SLC35F1: variants seen among roughly 807,000 people sequenced by gnomAD.
The protein encoded by SLC35F1 is chromosome 6 open reading frame 169.
In SLC35F1, 14 loss-of-function variants were observed where a neutral mutation model predicts 48.7. The ratio of observed to expected loss-of-function variants is 0.29; its 90% CI spans 0.19 to 0.45. The LOEUF is 0.45. Among genes scored for constraint, SLC35F1 ranks in the 20% least tolerant of loss-of-function variants. SLC35F1 has a pLI of 1.00. For missense variants in SLC35F1, 404 were observed against 500.0 expected (o/e 0.81, Z 1.83); for synonymous variants, 190 against 202.2 (o/e 0.94, Z 0.51).
chr6:118,247,758 G>T (rs974734775), intron 3 of SLC35F1, among the ~76,000 whole-genome samples: 1 of 147,950 alleles, frequency 6.8e-6, no homozygotes, highest in Non-Finnish European at 1.5e-5. Context: ...GGCATATTTG[G>T]TGGATAAGGT....
chr6:118,059,957 G>A (rs7738379), intron 1 of SLC35F1, among the ~76,000 whole-genome samples: 38,625 of 151,932 alleles, frequency 0.25, 5,097 homozygotes, highest in East Asian at 0.36. Context: ...TTAGGGCTTT[G>A]TATTAGAAAT....
chr6:118,112,309 T>C (rs1773419192), intron 1 of SLC35F1, among the ~76,000 whole-genome samples: 1 of 152,032 alleles, frequency 6.6e-6, no homozygotes, highest in Non-Finnish European at 1.5e-5. Flanking sequence ...GGTAATAATA[T>C]TGATTCTTGC....
chr6:118,077,267 G>A (rs747072280), intron 1 of SLC35F1, among the ~76,000 whole-genome samples: 1 of 152,216 alleles, frequency 6.6e-6, no homozygotes, highest in South Asian at 2.1e-4. Flanking sequence ...CAAAGAGATT[G>A]CACATGGGCA....
chr6:117,907,746 C>T lies in SLC35F1; in HGVS notation c.20C>T (p.Pro7Leu), dbSNP rs769979433. The change falls in exon 1 of 8, where the codon CCG (proline) becomes CTG (leucine). Residue 7 changes from proline (P) to leucine (L), a missense_variant. Physicochemically the swap from Pro to Leu is moderately conservative, Grantham distance 98 (BLOSUM62 -3). Coordinates refer to ENST00000360388, the MANE Select transcript of SLC35F1 (RefSeq NM_001029858.4). MIPPEQ[P>L]QQQLQPPSPA... ...GCCGCGATGATCCCCCCTGAGCAGCCGCAGCAGCAGCTGCAGCCGCCGTCG... is the reference window on the plus strand; with the variant it reads ...GCCGCGATGATCCCCCCTGAGCAGCTGCAGCAGCAGCTGCAGCCGCCGTCG... 2.6e-6 allele frequency: 4 copies of T among 1,540,660 alleles called. No homozygotes were observed. Among genetic ancestry groups the T allele is most frequent in the Admixed American group, 1.8e-5 (1 of 54,946 alleles).
intron 3 of SLC35F1, among the ~76,000 whole-genome samples, chr6:118,245,547 C>T (rs181040549): frequency 5.3e-4 from 81 of 152,270 alleles, no homozygotes; most frequent in African/African-American, 1.9e-3. Flanking sequence ...TTGTCTCTCT[C>T]TTCTTGTGGA....
At chr6:117,974,477 C>CACA (rs969655870) in intron 1 of SLC35F1, among the ~76,000 whole-genome samples, 23 of 152,262 alleles carry the variant, frequency 1.5e-4, no homozygotes, top group Non-Finnish European at 2.2e-4. Context: ...AACTCTGGAG[C>CACA]ACAGCAGGAG....
chr6:118,102,941 G>C (rs921676297), intron 1 of SLC35F1, among the ~76,000 whole-genome samples: 2 of 152,162 alleles, frequency 1.3e-5, no homozygotes, highest in Admixed American at 6.5e-5. Context: ...CCCGTGTTTT[G>C]TGCTTAATAG....
chr6:118,310,089 T>C (rs545831813), intron 7 of SLC35F1, among the ~76,000 whole-genome samples: 23 of 152,324 alleles, frequency 1.5e-4, no homozygotes, highest in African/African-American at 5.3e-4. Context: ...AGCTTCCAGT[T>C]AGATAAAATG....
chr6:117,922,530 G>A (rs1198645101), intron 1 of SLC35F1, among the ~76,000 whole-genome samples: 2 of 152,186 alleles, frequency 1.3e-5, no homozygotes, highest in Non-Finnish European at 2.9e-5. Flanking sequence ...TATTCATGGA[G>A]TACAAGTGCA....
At chr6:117,980,465 T>C (rs1776762360) in intron 1 of SLC35F1, among the ~76,000 whole-genome samples, 1 of 152,148 alleles carries the variant, frequency 6.6e-6, no homozygotes, top group African/African-American at 2.4e-5. Flanking sequence ...TCAAAATACA[T>C]TTCATTGGAG....
chr6:118,001,458 A>G (rs1777092882), intron 1 of SLC35F1, among the ~76,000 whole-genome samples: 1 of 152,240 alleles, frequency 6.6e-6, no homozygotes, highest in African/African-American at 2.4e-5. Context: ...TTCAAGATGG[A>G]TTAAAGACTT....
intron 1 of SLC35F1, among the ~76,000 whole-genome samples, chr6:118,011,130 G>A (rs1250991092): frequency 1.3e-5 from 2 of 152,100 alleles, no homozygotes; most frequent in African/African-American, 2.4e-5. Flanking sequence ...ACGGATGGTG[G>A]GGGAATGGTC....
chr6:118,122,439 G>A (rs1773565065), intron 1 of SLC35F1, among the ~76,000 whole-genome samples: 1 of 152,162 alleles, frequency 6.6e-6, no homozygotes, highest in Non-Finnish European at 1.5e-5. Context: ...TGCCAAGTCA[G>A]AGAAACTTTA....
intron 2 of SLC35F1, among the ~76,000 whole-genome samples, chr6:118,171,077 C>T (rs1774397175): frequency 1.3e-5 from 2 of 152,082 alleles, no homozygotes; most frequent in South Asian, 2.1e-4. Flanking sequence ...CTCTCTGTCA[C>T]CCAAGCTGGA....
intron 1 of SLC35F1, among the ~76,000 whole-genome samples, chr6:117,963,041 G>A (rs1776518384): frequency 6.6e-6 from 1 of 152,068 alleles, no homozygotes; most frequent in African/African-American, 2.4e-5. Context: ...GGAGGGGAGG[G>A]GGAAGGAAGG....
At chr6:118,154,218 T>A (rs60972925) in intron 1 of SLC35F1, among the ~76,000 whole-genome samples, 2,984 of 152,258 alleles carry the variant, frequency 0.02, 115 homozygotes, top group African/African-American at 0.068. Flanking sequence ...CCTAGTTACA[T>A]GACTGTGAGC....
At chr6:118,091,769 T>C (rs535317943) in intron 1 of SLC35F1, among the ~76,000 whole-genome samples, 1 of 152,276 alleles carries the variant, frequency 6.6e-6, no homozygotes, top group Non-Finnish European at 1.5e-5. Context: ...GTTTGGAACT[T>C]CCTAGAGACT....
At chr6:118,201,018 C>G (rs1393667907) in intron 2 of SLC35F1, among the ~76,000 whole-genome samples, 1 of 152,132 alleles carries the variant, frequency 6.6e-6, no homozygotes, top group Non-Finnish European at 1.5e-5. Flanking sequence ...CCTGAGCGAT[C>G]TTCCCACCTC....
intron 1 of SLC35F1, among the ~76,000 whole-genome samples, chr6:117,941,818 C>T (rs1002935414): frequency 1.3e-5 from 2 of 152,146 alleles, no homozygotes; most frequent in Admixed American, 1.3e-4. Flanking sequence ...AGTCCTGCTC[C>T]CCCAATCCCC....
Sources: allele counts gnomAD v4.1 joint callset (sites outside exome capture counted in the v4.1 genomes callset), GRCh38; gene constraint gnomAD v4.1.1; transcripts MANE v1.5; gene names NCBI Gene and HGNC (gene_info 2026-07-23, HGNC 2026-07-21).